Variants in THSD7B observed in about 807,000 individuals in gnomAD.
THSD7B encodes thrombospondin type-1 domain-containing protein 7B.
THSD7B carries 138 observed loss-of-function variants against 213.6 expected under a neutral mutation model. That is an observed-to-expected ratio of 0.65 (90% CI 0.56 to 0.74). The LOEUF (loss-of-function observed/expected upper bound fraction) is 0.74. THSD7B is among the 30% of genes least tolerant of loss of function. The pLI, the probability that THSD7B is intolerant of heterozygous loss-of-function variation, is 0.00. For missense variants in THSD7B, 1,931 were observed against 1,991.5 expected (o/e 0.97, Z 0.58); for synonymous variants, 742 against 687.0 (o/e 1.08, Z -1.25).
In THSD7B at chr2:137,603,449, T is replaced by G. The variant is rs1204999093; in HGVS notation, c.3424-12726T>G. Among the ~76,000 whole-genome samples, 4 of 152,212 alleles carry G rather than the reference T, an allele frequency of 2.6e-5. No homozygotes were observed. The South Asian group carries it at 8.3e-4, about 31-fold the overall frequency. On this transcript the variant is annotated intron_variant, in intron 17 of 27. Coordinates refer to ENST00000409968, the MANE Select transcript of THSD7B (RefSeq NM_001316349.2). Reference sequence around the variant, plus strand: ...TTTCTTTGTAGGATGGTTTTGACATTGGAACACCCAGATCATTGAACAGTG... The same window carrying G: ...TTTCTTTGTAGGATGGTTTTGACATGGGAACACCCAGATCATTGAACAGTG...
At position 137,581,617 on chromosome 2, in the gene THSD7B, CAA is replaced by C. The variant is rs951787084; in HGVS notation, c.3423+9065_3423+9066del. Among the ~76,000 whole-genome samples, 4 of 151,380 alleles carry C rather than the reference CAA, an allele frequency of 2.6e-5. No individual in the cohort carries two copies. In the South Asian group the frequency reaches 8.4e-4, roughly 32 times the overall value. ...TGGGCAACACAGAGAGACTCCGTTT[CAA>C]AAATAATAATTATAAAAATAAAAAA... On this transcript the variant is annotated intron_variant, in intron 17 of 27. Transcript: ENST00000409968.
intron 12 of THSD7B, among the ~76,000 whole-genome samples, chr2:137,294,511 A>T (rs1225042353): frequency 6.9e-6 from 1 of 145,034 alleles, no homozygotes; most frequent in Non-Finnish European, 1.5e-5. Context: ...TGAACCCGGG[A>T]GGCAGAGGTT....
At chr2:137,556,848 T>A (rs1195881227) in intron 15 of THSD7B, among the ~76,000 whole-genome samples, 1 of 151,986 alleles carries the variant, frequency 6.6e-6, no homozygotes, top group African/African-American at 2.4e-5. Context: ...TGGAGGAAGA[T>A]CTACCAAGCA....
At chr2:137,385,354 G>T (rs529621943) in intron 12 of THSD7B, among the ~76,000 whole-genome samples, 2 of 152,098 alleles carry the variant, frequency 1.3e-5, no homozygotes, top group East Asian at 1.9e-4. Flanking sequence ...CAGCAAGAGG[G>T]CACCTGCCCT....
At chr2:137,228,544 G>T (rs1681567081) in intron 7 of THSD7B, among the ~76,000 whole-genome samples, 1 of 152,084 alleles carries the variant, frequency 6.6e-6, no homozygotes, top group Non-Finnish European at 1.5e-5. Flanking sequence ...ACTCCTCCAA[G>T]ATAGTCTTTC....
Position 136,893,888 on chromosome 2 carries a change from AT to A in THSD7B, c.139+11573del, listed in dbSNP as rs562581367. ...TTACCTTATTCTAATAATAGGTACT[AT>A]TAAAGCTTATTTTCTTAGCAAAAGT... On this transcript the variant is annotated intron_variant, in intron 2 of 27. Coordinates refer to ENST00000409968, the MANE Select transcript of THSD7B (RefSeq NM_001316349.2). Among the ~76,000 whole-genome samples the A allele has an allele frequency of 4.0e-4, 61 of 152,336 alleles. No homozygotes were observed. In the East Asian group the frequency reaches 0.011, roughly 28 times the overall value.
intron 12 of THSD7B, among the ~76,000 whole-genome samples, chr2:137,393,138 T>C (rs186001611): frequency 2.0e-3 from 297 of 149,558 alleles, no homozygotes; most frequent in African/African-American, 6.8e-3. Flanking sequence ...GCAGGTTTTT[T>C]CTTCCAGCTT....
At chr2:137,386,538 T>C (rs1439447098) in intron 12 of THSD7B, among the ~76,000 whole-genome samples, 1 of 152,208 alleles carries the variant, frequency 6.6e-6, no homozygotes, top group Non-Finnish European at 1.5e-5. Context: ...ATAAATTCTA[T>C]CCTTTTTCTT....
At chr2:137,288,389 A>G (rs1683234516) in intron 12 of THSD7B, among the ~76,000 whole-genome samples, 1 of 152,154 alleles carries the variant, frequency 6.6e-6, no homozygotes, top group South Asian at 2.1e-4. Flanking sequence ...ACTAGAGTCT[A>G]TGAAACTTAG....
chr2:137,251,095 G>C (rs1189136180), intron 10 of THSD7B, among the ~76,000 whole-genome samples: 2 of 152,184 alleles, frequency 1.3e-5, no homozygotes, highest in African/African-American at 2.4e-5. Flanking sequence ...AGGCAGAACA[G>C]AACTTAGTAA....
chr2:136,852,207 A>G (rs1318294744), intron 1 of THSD7B, among the ~76,000 whole-genome samples: 1 of 152,064 alleles, frequency 6.6e-6, no homozygotes, highest in African/African-American at 2.4e-5. Flanking sequence ...AGTCAGAGAG[A>G]TTCTGAGTAG....
chr2:137,508,452 C>T (rs1679886293), intron 15 of THSD7B, among the ~76,000 whole-genome samples: 1 of 149,594 alleles, frequency 6.7e-6, no homozygotes, highest in African/African-American at 2.5e-5. Flanking sequence ...TCTCTGCTCA[C>T]TGCAAGCTCC....
intron 2 of THSD7B, among the ~76,000 whole-genome samples, chr2:136,885,284 C>T (rs1683698871): frequency 6.8e-6 from 1 of 147,232 alleles, no homozygotes; most frequent in Non-Finnish European, 1.5e-5. Context: ...CGATGTTAGT[C>T]AACCTCATCC....
intron 2 of THSD7B, among the ~76,000 whole-genome samples, chr2:137,011,202 G>A (rs1436616158): frequency 1.3e-5 from 2 of 152,158 alleles, no homozygotes; most frequent in Non-Finnish European, 2.9e-5. Context: ...GATCAAACCT[G>A]TGGGCTTAAT....
At chr2:137,014,140 C>T (rs373879476) in intron 2 of THSD7B, among the ~76,000 whole-genome samples, 45 of 152,216 alleles carry the variant, frequency 3.0e-4, no homozygotes, top group Middle Eastern at 3.4e-3. Flanking sequence ...GCCATCAATA[C>T]AGCCTTGACA....
chr2:136,918,324 T>C (rs1469689359), intron 2 of THSD7B, among the ~76,000 whole-genome samples: 1 of 150,320 alleles, frequency 6.7e-6, no homozygotes, highest in Non-Finnish European at 1.5e-5. Flanking sequence ...AAGCCAGGTC[T>C]CTTTCATTTT....
intron 15 of THSD7B, among the ~76,000 whole-genome samples, chr2:137,501,058 C>G (rs1460970939): frequency 6.6e-6 from 1 of 152,050 alleles, no homozygotes; most frequent in Non-Finnish European, 1.5e-5. Flanking sequence ...ATGGCAGGGG[C>G]AGTTAACATT....
At position 137,149,192 on chromosome 2, in the gene THSD7B, G is replaced by T. The variant is rs1445918430; in HGVS notation, c.1370-11021G>T. ...AGCCTTGGTGTGTATGTGGTGTTGG[G>T]CCTTTTGGTGCATAGAAGTCAAGAA... On this transcript the variant is annotated intron_variant, in intron 5 of 27. Transcript: ENST00000409968. Among the ~76,000 whole-genome samples, 3 of 152,180 alleles carry T rather than the reference G, an allele frequency of 2.0e-5. No homozygotes were observed. In the East Asian group the frequency reaches 5.8e-4, roughly 29 times the overall value.
intron 12 of THSD7B, among the ~76,000 whole-genome samples, chr2:137,312,065 A>G (rs1285127856): frequency 2.7e-5 from 4 of 150,810 alleles, no homozygotes; most frequent in African/African-American, 9.8e-5. Flanking sequence ...TGATTGGAAT[A>G]GTTTCAGAAG....
Sources: gnomAD v4.1 joint callset for allele counts (sites outside exome capture counted in the v4.1 genomes callset) on GRCh38, gnomAD v4.1.1 for gene constraint, MANE v1.5 for transcripts, NCBI Gene and HGNC (gene_info 2026-07-23, HGNC 2026-07-21) for gene names.